Variants in MDN1 observed in about 807,000 individuals in gnomAD.
MDN1 encodes the protein midasin.
Under a neutral mutation model 669.2 loss-of-function variants are expected in MDN1, and 266 were observed. The observed-to-expected ratio is 0.40, with a 90% CI of 0.36 to 0.44. MDN1 has a LOEUF of 0.44. Ranked by LOEUF, MDN1 falls within the 20% of genes least tolerant of loss-of-function variation. The pLI is 1.00. For synonymous variants in MDN1, 2,385 were observed against 2,457.1 expected, an observed-to-expected ratio of 0.97 and a Z score of 0.87; for missense variants, 5,940 against 6,754.0, an observed-to-expected ratio of 0.88 and a Z score of 4.22.
intron 90 of MDN1, among the ~76,000 whole-genome samples, chr6:89,657,508 C>T (rs1002459827): frequency 6.6e-6 from 1 of 152,176 alleles, no homozygotes; most frequent in Non-Finnish European, 1.5e-5. Context: ...TTAAATTAGA[C>T]GTTTAGAAAC....
At chr6:89,771,135 C>T (rs1818059396) in intron 15 of MDN1, among the ~76,000 whole-genome samples, 2 of 152,208 alleles carry the variant, frequency 1.3e-5, no homozygotes, top group South Asian at 4.1e-4. Flanking sequence ...CACCTTAAAT[C>T]TTACTCAAGG....
intron 15 of MDN1, among the ~76,000 whole-genome samples, chr6:89,763,025 C>T (rs374849118): frequency 1.4e-4 from 22 of 151,942 alleles, no homozygotes; most frequent in African/African-American, 5.3e-4. Flanking sequence ...GCCACTCTAG[C>T]GTGGGCAACA....
chr6:89,759,965 C>A (rs1488428411), intron 17 of MDN1, among the ~76,000 whole-genome samples: 1 of 148,156 alleles, frequency 6.7e-6, no homozygotes, highest in African/African-American at 2.5e-5. Flanking sequence ...CCAGCTACTC[C>A]AGAGGCTGAG....
At chr6:89,732,465 G>A in intron 34 of MDN1, 92 bp downstream of exon 34, 3 of 1,072,986 alleles carry the variant, frequency 2.8e-6, no homozygotes, top group Non-Finnish European at 4.1e-6. Context: ...AAGTGATTCA[G>A]TAAAATAGCT....
intron 60 of MDN1, 81 bp downstream of exon 60, chr6:89,696,279 G>A (rs2128308779): frequency 7.0e-7 from 1 of 1,428,896 alleles, no homozygotes; most frequent in Admixed American, 1.8e-5. Flanking sequence ...CACTACAGAA[G>A]GAAGTTCTCA....
At position 89,653,080 on chromosome 6, in the gene MDN1, T is replaced by A; in HGVS notation, c.15737A>T (p.His5246Leu). 1.2e-6 allele frequency: 2 copies of A among 1,614,200 alleles called. No homozygotes were observed. The highest frequency in any genetic ancestry group is 1.7e-6 in the Non-Finnish European group (2 of 1,180,028). The change falls in exon 94 of 102, where the codon CAT becomes CTT. Residue 5246 changes from histidine (H) to leucine (L), a missense_variant. Physicochemically the swap from His to Leu is moderately conservative, Grantham distance 99 (BLOSUM62 -3). Coordinates refer to ENST00000369393, the MANE Select transcript of MDN1 (RefSeq NM_014611.3). ...TGGTTTCTCATTTTCTGTCTCCTTA[T>A]GGGCTTTGTCTGTTCTGGGGTCTTG... ...EDQDPRTDKAHKETENEKPER... is the reference protein window; with the variant it reads ...EDQDPRTDKALKETENEKPER...
At chr6:89,803,744 G>A (rs1347609630) in intron 1 of MDN1, among the ~76,000 whole-genome samples, 190 bp from the exon 2 acceptor site, 7 of 151,738 alleles carry the variant, frequency 4.6e-5, no homozygotes, top group Non-Finnish European at 5.9e-5. Flanking sequence ...ACCATACCCG[G>A]CTAATTTTTT....
intron 24 of MDN1, 77 bp downstream of exon 24, chr6:89,750,277 G>A: frequency 7.1e-7 from 1 of 1,414,454 alleles, no homozygotes; most frequent in Non-Finnish European, 9.7e-7. Flanking sequence ...CAATTGGAAA[G>A]GATGAAGAAT....
chr6:89,670,462 GCCA>G (rs1810672955), intron 83 of MDN1, among the ~76,000 whole-genome samples: 1 of 152,098 alleles, frequency 6.6e-6, no homozygotes, highest in South Asian at 2.1e-4. Context: ...ACAGGCGTGA[GCCA>G]CCACAACAGG....
At position 89,786,534 on chromosome 6, in the gene MDN1, G is replaced by C. The variant is rs142804477; in HGVS notation, c.1334+1320C>G. On this transcript the variant is annotated intron_variant, in intron 8 of 101. Coordinates refer to ENST00000369393, the MANE Select transcript of MDN1 (RefSeq NM_014611.3). ...AGGCAGGAGGATCACTTGAGCCCAG[G>C]AGTTTGTGGTTACAGTAAGCTACGA... Among the ~76,000 whole-genome samples the C allele has an allele frequency of 3.8e-3, 574 of 152,230 alleles. 5 individuals are homozygous for C. Among genetic ancestry groups the C allele is most frequent in the African/African-American group, 0.013 (550 of 41,528 alleles).
At position 89,668,074 on chromosome 6, in the gene MDN1, A is replaced by G. The variant is rs192787020; in HGVS notation, c.14034T>C (p.Gly4678=). 19 of 1,613,170 alleles carry G rather than the reference A, an allele frequency of 1.2e-5. No homozygotes were observed. In the African/African-American group the frequency reaches 2.3e-4, roughly 19 times the overall value. The change falls in exon 84 of 102, where the codon GGT becomes GGC. Residue 4678 remains glycine, a synonymous_variant. Transcript: ENST00000369393. The part of the protein sequence containing the change: ...GATEFHDYEG[G]GIGEGEGMKD... ...TCATGCCCTCGCCTTCTCCAATTCC[A>G]CCTCCCTCATAGTCATGGAACTCAG... is the stretch of plus-strand genomic sequence containing the variant.
At chr6:89,736,956 C>T (rs1397251938) in intron 33 of MDN1, among the ~76,000 whole-genome samples, 2 of 152,172 alleles carry the variant, frequency 1.3e-5, no homozygotes. Context: ...CTTTGTTAGA[C>T]AGACAAATTC....
At chr6:89,815,121 C>A in intron 1 of MDN1, 1 of 402,152 alleles carries the variant, frequency 2.5e-6, no homozygotes, top group East Asian at 6.2e-5. Context: ...GGAGCTGCCC[C>A]TGACCACTCA....
intron 12 of MDN1, among the ~76,000 whole-genome samples, 183 bp downstream of exon 12, chr6:89,776,417 C>A (rs1055208575): frequency 1.3e-5 from 2 of 152,100 alleles, no homozygotes; most frequent in Non-Finnish European, 2.9e-5. Context: ...GCCGAGATGG[C>A]GCCATTGCAC....
At chr6:89,677,757 C>A in intron 75 of MDN1, 61 bp from the exon 76 acceptor site, 8 of 1,606,212 alleles carry the variant, frequency 5.0e-6, no homozygotes, top group Admixed American at 3.3e-5. Flanking sequence ...ATGTGCCCCC[C>A]TCTCCCCTGC....
At position 89,745,498 on chromosome 6, in the gene MDN1, A is replaced by C; in HGVS notation, c.4033T>G (p.Leu1345Val). The C allele has an allele frequency of 6.2e-7, 1 of 1,614,138 alleles. No individual in the cohort carries two copies. The highest frequency in any genetic ancestry group is 1.1e-5 in the South Asian group (1 of 91,072). Residue 1345 changes from leucine (L) to valine (V), a missense_variant, in exon 28 of 102, where the codon TTG becomes GTG. By Grantham distance (32) the Leu-to-Val change is conservative (BLOSUM62 1). This residue lies in a region of MDN1 where 2,292 missense variants were observed against 2,638.3 expected (regional missense o/e 0.87). Transcript: ENST00000369393. ...GGGATTTTGGCCTACTCACCCAGCA[A>C]TTTTAGAACATTTTCTTTGGAGAAA... ...SLFSKENVLK[L>V]LGKLSTQIST...
intron 59 of MDN1, among the ~76,000 whole-genome samples, chr6:89,698,413 G>A (rs1238378787): frequency 6.6e-6 from 1 of 152,166 alleles, no homozygotes; most frequent in Non-Finnish European, 1.5e-5. Context: ...CAAGCACATT[G>A]ATACAATGGA....
intron 64 of MDN1, 148 bp from the exon 65 acceptor site, chr6:89,690,291 G>A (rs112837355): frequency 4.2e-6 from 4 of 943,696 alleles, no homozygotes; most frequent in African/African-American, 3.3e-5. Flanking sequence ...AAAGACTACA[G>A]GCTGGGCACA....
rs566988355 is a variant in MDN1 at position 89,718,621 on chromosome 6, G to A, written c.6328C>T (p.Leu2110Phe). The A allele has an allele frequency of 6.2e-7, 1 of 1,613,306 alleles. No homozygotes were observed. Among genetic ancestry groups the A allele is most frequent in the South Asian group, 1.1e-5 (1 of 91,058 alleles). ...ELLGGFEQVD[L>F]IRPWRRLLEK... is the part of the protein sequence containing the mutation. ...AGCAGCCTCCTCCAAGGTCGTATAA[G>A]ATCAACCTGTAATTTCCAGAGGACA... Residue 2110 changes from leucine (L) to phenylalanine (F), a missense_variant, in exon 43 of 102, where the codon CTT becomes TTT. By Grantham distance (22) the Leu-to-Phe change is conservative. Around this residue, in one of 5 missense-constraint regions of MDN1, gnomAD observed 2,292 missense variants for 2,638.3 expected, o/e 0.87. Coordinates refer to ENST00000369393, the MANE Select transcript of MDN1 (RefSeq NM_014611.3).
Sources: gnomAD v4.1 joint callset for allele counts (sites outside exome capture counted in the v4.1 genomes callset) on GRCh38, gnomAD v4.1.1 for gene constraint, gnomAD v4.1.1 regional missense constraint, MANE v1.5 for transcripts, NCBI Gene and HGNC (gene_info 2026-07-23, HGNC 2026-07-21) for gene names.